RBFOX2: variants seen among roughly 807,000 people sequenced by gnomAD.
The protein encoded by RBFOX2 is RNA binding fox-1 homolog 2, also known as RNA binding protein fox-1 homolog 2.
A neutral mutation model predicts 49.1 loss-of-function variants in RBFOX2; 10 were observed. The observed-to-expected ratio is 0.20, with a 90% CI of 0.13 to 0.35. RBFOX2 has a LOEUF of 0.35. Among genes scored for constraint, RBFOX2 ranks in the 10% least tolerant of loss-of-function variants. RBFOX2 has a pLI of 1.00. For synonymous variants in RBFOX2, 183 were observed against 187.4 expected, an observed-to-expected ratio of 0.98 and a Z score of 0.19; for missense variants, 323 against 486.9, an observed-to-expected ratio of 0.66 and a Z score of 3.17.
At chr22:35,754,694 A>C (rs1182341535) in intron 9 of RBFOX2, among the ~76,000 whole-genome samples, 2 of 152,270 alleles carry the variant, frequency 1.3e-5, no homozygotes, top group Non-Finnish European at 1.5e-5. Flanking sequence ...CACTGTGAAC[A>C]TAGGAAAAAA....
At chr22:35,974,675 A>C (rs1422321316) in intron 1 of RBFOX2, among the ~76,000 whole-genome samples, 1 of 152,164 alleles carries the variant, frequency 6.6e-6, no homozygotes, top group African/African-American at 2.4e-5. Context: ...TGACAGAGCG[A>C]GACTCCGTAT....
chr22:35,921,668 G>A (rs1035222584), intron 1 of RBFOX2, among the ~76,000 whole-genome samples: 6 of 152,192 alleles, frequency 3.9e-5, no homozygotes, highest in African/African-American at 1.4e-4. Context: ...CACATTGAGG[G>A]AATTGGTCTT....
At chr22:35,815,277 G>C (rs573237876) in intron 1 of RBFOX2, among the ~76,000 whole-genome samples, 2 of 152,288 alleles carry the variant, frequency 1.3e-5, no homozygotes, top group South Asian at 2.1e-4. Flanking sequence ...TTAATTGAGA[G>C]AGCAGGTGAA....
At chr22:35,754,603 T>A (rs1936287585) in intron 9 of RBFOX2, among the ~76,000 whole-genome samples, 1 of 152,230 alleles carries the variant, frequency 6.6e-6, no homozygotes, top group Non-Finnish European at 1.5e-5. Flanking sequence ...AGAATGTACA[T>A]GCTAACATCA....
At chr22:35,773,636 T>C (rs1943219766) in intron 4 of RBFOX2, among the ~76,000 whole-genome samples, 1 of 152,088 alleles carries the variant, frequency 6.6e-6, no homozygotes, top group South Asian at 2.1e-4. Flanking sequence ...AGTCCTTTAG[T>C]AGACTTAATA....
At chr22:35,843,636 T>C (rs2040796715), upstream of RBFOX2, among the ~76,000 whole-genome samples, 2 of 152,164 alleles carry the variant, frequency 1.3e-5, no homozygotes, top group African/African-American at 4.8e-5. Flanking sequence ...TAACTTAAAA[T>C]GATACCAGTC....
intron 9 of RBFOX2, among the ~76,000 whole-genome samples, chr22:35,752,954 C>T (rs567928009): frequency 3.3e-5 from 5 of 152,270 alleles, no homozygotes; most frequent in East Asian, 1.9e-4. Context: ...ATTGCTAGAT[C>T]AGTTCTCCAG....
In RBFOX2 at chr22:35,799,382, T is replaced by C. The variant is rs557374583; in HGVS notation, c.252+10398A>G. Among the ~76,000 whole-genome samples the C allele has an allele frequency of 6.6e-5, 10 of 152,334 alleles. No homozygotes were observed. The East Asian group carries it at 1.9e-3, about 29-fold the overall frequency. The stretch of plus-strand genomic sequence containing the variant: ...TTACCTCTTTTGCTAATGCACAGTA[T>C]GGGACCAACTGACTATCAAAATAAG... On this transcript the variant is annotated intron_variant, in intron 2 of 11. Transcript: ENST00000405409.
At chr22:35,969,893 G>A (rs1431954317) in intron 1 of RBFOX2, among the ~76,000 whole-genome samples, 3 of 152,216 alleles carry the variant, frequency 2.0e-5, no homozygotes, top group Admixed American at 2.0e-4. Context: ...AACAAAGCTA[G>A]CTGTGTGACA....
chr22:35,930,713 C>A (rs1269151425), intron 1 of RBFOX2, among the ~76,000 whole-genome samples: 1 of 151,948 alleles, frequency 6.6e-6, no homozygotes, highest in African/African-American at 2.4e-5. Context: ...GCCTGTAATG[C>A]CAGCTACAGG....
chr22:35,845,029 G>C (rs2040999908), upstream of RBFOX2, among the ~76,000 whole-genome samples: 1 of 151,998 alleles, frequency 6.6e-6, no homozygotes, highest in Non-Finnish European at 1.5e-5. Context: ...TGCTATAAAA[G>C]TGGATCTAAG....
intron 1 of RBFOX2, chr22:35,994,947 G>C (rs2058129145): frequency 2.0e-5 from 3 of 151,494 alleles, no homozygotes; most frequent in Admixed American, 2.0e-4. Flanking sequence ...TAGAGCCCAG[G>C]GAGGCAAAAG....
chr22:35,855,844 G>A (rs969435018), intron 1 of RBFOX2, among the ~76,000 whole-genome samples: 2 of 149,088 alleles, frequency 1.3e-5, no homozygotes, highest in African/African-American at 4.9e-5. Flanking sequence ...GGGCAACATG[G>A]CAAAGCTCCA....
At chr22:35,949,553 C>G (rs778702353) in intron 1 of RBFOX2, among the ~76,000 whole-genome samples, 2 of 152,234 alleles carry the variant, frequency 1.3e-5, no homozygotes, top group African/African-American at 2.4e-5. Context: ...TCTCCGTATT[C>G]TTACTTACAC....
At chr22:35,981,842 C>T (rs1254949301) in intron 1 of RBFOX2, among the ~76,000 whole-genome samples, 1 of 152,084 alleles carries the variant, frequency 6.6e-6, no homozygotes, top group Non-Finnish European at 1.5e-5. Context: ...AAGATCAAGG[C>T]AGCAGTAAGA....
At chr22:35,866,324 C>T (rs1016040644) in intron 1 of RBFOX2, among the ~76,000 whole-genome samples, 8 of 152,064 alleles carry the variant, frequency 5.3e-5, no homozygotes, top group African/African-American at 9.7e-5. Flanking sequence ...ATAATATATA[C>T]GCCATTTTTT....
At chr22:35,962,936 A>G (rs939909619), upstream of RBFOX2, among the ~76,000 whole-genome samples, 7 of 151,992 alleles carry the variant, frequency 4.6e-5, no homozygotes, top group African/African-American at 9.7e-5. Context: ...TAAGGGCTCC[A>G]AGCAGGTCAG....
At chr22:35,985,047 A>C (rs1422073003) in intron 1 of RBFOX2, among the ~76,000 whole-genome samples, 2 of 152,210 alleles carry the variant, frequency 1.3e-5, no homozygotes, top group Non-Finnish European at 2.9e-5. Flanking sequence ...AGAAAAGATG[A>C]CAACATAATG....
intron 1 of RBFOX2, among the ~76,000 whole-genome samples, chr22:35,848,065 A>G (rs2041446544): frequency 6.6e-6 from 1 of 152,134 alleles, no homozygotes; most frequent in African/African-American, 2.4e-5. Flanking sequence ...CACTTGGGAA[A>G]CATTTTTACT....
Sources: gnomAD v4.1 joint callset for allele counts (sites outside exome capture counted in the v4.1 genomes callset) on GRCh38, gnomAD v4.1.1 for gene constraint, MANE v1.5 for transcripts, NCBI Gene and HGNC (gene_info 2026-07-23, HGNC 2026-07-21) for gene names.